The following DNAH10 variants were observed in gnomAD, a reference collection of about 807,000 sequenced individuals.
DNAH10 encodes the protein axonemal beta dynein heavy chain 10.
Under a neutral mutation model 506.6 loss-of-function variants are expected in DNAH10, and 348 were observed. The observed-to-expected ratio is 0.69, with a 90% CI of 0.63 to 0.75. DNAH10 has a LOEUF of 0.75. Among genes scored for constraint, DNAH10 ranks in the 30% least tolerant of loss-of-function variants. The pLI, the probability that DNAH10 is intolerant of heterozygous loss-of-function variation, is 0.00. For missense variants in DNAH10, 5,179 were observed against 5,787.1 expected, an observed-to-expected ratio of 0.89 and a Z score of 3.41; for synonymous variants, 2,059 against 2,198.6, an observed-to-expected ratio of 0.94 and a Z score of 1.78.
At chr12:123,893,599 T>G (rs1331270420) in intron 53 of DNAH10, among the ~76,000 whole-genome samples, 163 bp downstream of exon 53, 1 of 152,236 alleles carries the variant, frequency 6.6e-6, no homozygotes, top group Non-Finnish European at 1.5e-5. Flanking sequence ...CACTGCCCCT[T>G]CTAGGTGCCA....
At position 123,907,456 on chromosome 12, in the gene DNAH10, C is replaced by T. The variant is rs1379828423; in HGVS notation, c.9816-1805C>T. Among the ~76,000 whole-genome samples, 1 of 152,204 alleles carries T rather than the reference C, an allele frequency of 6.6e-6. No individual in the cohort carries two copies. The highest frequency in any genetic ancestry group is 1.5e-5 in the Non-Finnish European group (1 of 68,034). On this transcript the variant is annotated intron_variant, in intron 57 of 78. Coordinates refer to ENST00000673944, the MANE Select transcript of DNAH10 (RefSeq NM_001372106.1). This position sits in a 1 kb window ranked among gnomAD's most constrained non-coding sequence, Gnocchi z 4.4. The stretch of plus-strand genomic sequence containing the variant: ...CTCCCTTTCTCTTGACTTGCACCCT[C>T]CACATTTCACACACCTTGGTCATCC...
Position 123,883,056 on chromosome 12 carries a change from A to AT in DNAH10, c.8823+1253dup, listed in dbSNP as rs1271773122. On this transcript the variant is annotated intron_variant, in intron 51 of 78. Transcript: ENST00000673944. The stretch of plus-strand genomic sequence containing the variant: ...ATGTTGTAGCATACATCGGTACTTC[A>AT]TTTTTTTTTTGCCAAATAGGAGGCC... 6.2e-3 allele frequency among the ~76,000 whole-genome samples: 918 copies of AT among 149,246 alleles called. 9 individuals are homozygous for AT. Among genetic ancestry groups the AT allele is most frequent in the African/African-American group, 0.02 (824 of 40,780 alleles).
chr12:123,905,206 A>G (rs1239798781), intron 57 of DNAH10, among the ~76,000 whole-genome samples: 1 of 152,234 alleles, frequency 6.6e-6, no homozygotes, highest in Non-Finnish European at 1.5e-5. Context: ...ATTTTAGAAC[A>G]TTCCTTCACA....
At chr12:123,777,028 G>A (rs1957466345) in intron 5 of DNAH10, among the ~76,000 whole-genome samples, 1 of 152,178 alleles carries the variant, frequency 6.6e-6, no homozygotes, top group Non-Finnish European at 1.5e-5. Context: ...TGCAATTTTA[G>A]ATAGGGTGGC....
At chr12:123,918,515 C>G in intron 64 of DNAH10, 161 bp from the exon 65 acceptor site, 1 of 778,946 alleles carries the variant, frequency 1.3e-6, no homozygotes, top group Non-Finnish European at 1.9e-6. Context: ...AATATTCACC[C>G]CTTCCTACAA....
At chr12:123,808,513 T>G (rs1958802223) in intron 18 of DNAH10, among the ~76,000 whole-genome samples, 1 of 152,174 alleles carries the variant, frequency 6.6e-6, no homozygotes, top group Non-Finnish European at 1.5e-5. Flanking sequence ...GAGTGCTCCT[T>G]TTTCCTTACC....
Position 123,910,578 on chromosome 12 carries a change from C to G in DNAH10, c.10040C>G (p.Ala3347Gly). 6.2e-7 allele frequency: 1 copy of G among 1,613,708 alleles called. No homozygotes were observed. The highest frequency in any genetic ancestry group is 8.5e-7 in the Non-Finnish European group (1 of 1,179,842). The change falls in exon 59 of 79, where the codon GCT becomes GGT. Residue 3347 changes from alanine to glycine, a missense_variant. Physicochemically the swap from Ala to Gly is moderately conservative, Grantham distance 60. Coordinates refer to ENST00000673944, the MANE Select transcript of DNAH10 (RefSeq NM_001372106.1). ...AATACCACAACTGAAGAAATGGAAG[C>G]TGTCAGCAAAGCCGGGCTGGGGATG... The part of the protein sequence containing the change: ...TLNTTTEEME[A>G]VSKAGLGMLK...
At chr12:123,880,395 A>G (rs970013631) in intron 50 of DNAH10, among the ~76,000 whole-genome samples, 14 of 152,166 alleles carry the variant, frequency 9.2e-5, no homozygotes, top group African/African-American at 1.4e-4. Flanking sequence ...GCCACAGTGC[A>G]GTGGTACGAT....
intron 55 of DNAH10, 106 bp downstream of exon 55, chr12:123,898,073 G>A: frequency 3.8e-6 from 4 of 1,049,172 alleles, no homozygotes; most frequent in Non-Finnish European, 5.3e-6. Flanking sequence ...CAGTATTGAG[G>A]CCAAACGAAG....
chr12:123,852,714 T>G lies in DNAH10; in HGVS notation c.6292-492T>G, dbSNP rs937766245. ...TCAGCCTCCCAAGTAGCTGGGATTA[T>G]AGGCATGCGCCACCACGCCTGGCTA... is the stretch of plus-strand genomic sequence containing the variant. On this transcript the variant is annotated intron_variant, in intron 35 of 78. Coordinates refer to ENST00000673944, the MANE Select transcript of DNAH10 (RefSeq NM_001372106.1). Among the ~76,000 whole-genome samples the G allele has an allele frequency of 2.0e-5, 3 of 152,068 alleles. No homozygotes were observed. The East Asian group carries it at 5.8e-4, about 29-fold the overall frequency.
intron 2 of DNAH10, among the ~76,000 whole-genome samples, chr12:123,770,487 ATTTTTTT>A (rs56670119): frequency 3.8e-5 from 5 of 133,154 alleles, no homozygotes; most frequent in Non-Finnish European, 6.4e-5. Flanking sequence ...CGTAAGTGTG[ATTTTTTT>A]TTTTTTTTTT....
Position 123,907,851 on chromosome 12 carries a change from AGCCTTTTCCCGGGGACTCAGG to A in DNAH10, c.9816-1403_9816-1383del, listed in dbSNP as rs1360954596. 2.0e-5 allele frequency among the ~76,000 whole-genome samples: 3 copies of A among 152,092 alleles called. No homozygotes were observed. Among genetic ancestry groups the A allele is most frequent in the African/African-American group, 7.2e-5 (3 of 41,394 alleles). On this transcript the variant is annotated intron_variant, in intron 57 of 78. Transcript: ENST00000673944. The surrounding 1 kb of genome is among the most constrained non-coding windows in gnomAD (Gnocchi z 4.4). ...TAAGCAGCCAACACCAGCGTGATCGAGCCTTTTCCCGGGGACTCAGGGCCTTTCTTTCATCACTGGGCTTTG... is the reference window on the plus strand; with the variant it reads ...TAAGCAGCCAACACCAGCGTGATCGAGCCTTTCTTTCATCACTGGGCTTTG...
intron 6 of DNAH10, among the ~76,000 whole-genome samples, chr12:123,782,233 C>T (rs1202353501): frequency 6.6e-6 from 1 of 151,348 alleles, no homozygotes; most frequent in Admixed American, 6.6e-5. Flanking sequence ...TTTTTCATAG[C>T]ATCCTGTTCT....
At chr12:123,804,266 C>A (rs902465848) in intron 17 of DNAH10, among the ~76,000 whole-genome samples, 6 of 152,056 alleles carry the variant, frequency 3.9e-5, no homozygotes, top group South Asian at 4.1e-4. Context: ...TGGCTCACGC[C>A]TATAATCCCA....
chr12:123,783,261 T>C lies in DNAH10; in HGVS notation c.996T>C (p.Pro332=). 6.2e-7 allele frequency: 1 copy of C among 1,613,776 alleles called. No individual in the cohort carries two copies. Among genetic ancestry groups the C allele is most frequent in the Non-Finnish European group, 8.5e-7 (1 of 1,179,968 alleles). ...TTGAGGCCCAACTGAAGAAGACACC[T>C]CAGGTAGTTTGTGCAGGGCTTTCAG... ...TAVEAQLKKT[P]QGKGPLAEIE... The change falls in exon 7 of 79, where the codon CCT becomes CCC. Residue 332 remains proline (P), a synonymous_variant. Coordinates refer to ENST00000673944, the MANE Select transcript of DNAH10 (RefSeq NM_001372106.1).
chr12:123,849,015 T>G, intron 34 of DNAH10, 133 bp downstream of exon 34: 1 of 1,159,750 alleles, frequency 8.6e-7, no homozygotes, highest in Non-Finnish European at 1.2e-6. Flanking sequence ...ATCTGTTGGT[T>G]TTTCCAATTG....
At chr12:123,840,015 G>T (rs1345517441) in intron 29 of DNAH10, among the ~76,000 whole-genome samples, 3 of 152,098 alleles carry the variant, frequency 2.0e-5, no homozygotes, top group African/African-American at 4.8e-5. Context: ...CTGGGCAGGG[G>T]CTCTGAGCCT....
intron 32 of DNAH10, among the ~76,000 whole-genome samples, chr12:123,847,308 TTATCTATCTATCTATCTATCTATC>T (rs71308008): frequency 6.7e-6 from 1 of 148,924 alleles, no homozygotes; most frequent in Admixed American, 6.7e-5. Flanking sequence ...ATCATCTATT[TTATCTATCTATCTATCTATCTATC>T]TATCTATCTA....
chr12:123,856,130 A>G (rs1483623602), intron 36 of DNAH10, among the ~76,000 whole-genome samples: 1 of 147,280 alleles, frequency 6.8e-6, no homozygotes, highest in Non-Finnish European at 1.5e-5. Flanking sequence ...ATATACATTT[A>G]TAAATTTATA....
Sources: allele counts gnomAD v4.1 joint callset (sites outside exome capture counted in the v4.1 genomes callset), GRCh38; gene constraint gnomAD v4.1.1; non-coding constraint Gnocchi (gnomAD v3.1); transcripts MANE v1.5; gene names NCBI Gene and HGNC (gene_info 2026-07-23, HGNC 2026-07-21).